Variants in TAF4B observed in about 807,000 individuals in gnomAD.
The protein encoded by TAF4B is transcription initiation factor TFIID subunit 4B.
TAF4B carries 38 observed loss-of-function variants against 86.4 expected under a neutral mutation model. The observed-to-expected ratio is 0.44, with a 90% CI of 0.34 to 0.58. TAF4B has a LOEUF of 0.58. Among genes scored for constraint, TAF4B ranks in the 20% least tolerant of loss-of-function variants. The pLI is 0.02. For synonymous variants in TAF4B, 388 were observed against 391.2 expected (o/e 0.99, Z 0.10); for missense variants, 988 against 1,027.6 (o/e 0.96, Z 0.53).
At chr18:26,376,064 G>A (rs1203253836) in intron 14 of TAF4B, among the ~76,000 whole-genome samples, 1 of 151,996 alleles carries the variant, frequency 6.6e-6, no homozygotes, top group Non-Finnish European at 1.5e-5. Context: ...ATCAATCTAT[G>A]TATCTGTCCT....
intron 1 of TAF4B, among the ~76,000 whole-genome samples, chr18:26,249,849 A>G (rs929255965): frequency 6.6e-6 from 1 of 152,094 alleles, no homozygotes; most frequent in Admixed American, 6.6e-5. Context: ...CAGCCTCCTA[A>G]GTAGCTGGGA....
At chr18:26,245,478 G>C (rs1486169425) in intron 1 of TAF4B, among the ~76,000 whole-genome samples, 1 of 152,154 alleles carries the variant, frequency 6.6e-6, no homozygotes, top group Non-Finnish European at 1.5e-5. Flanking sequence ...GCCAGCTTTT[G>C]TTCCCTTATT....
intron 1 of TAF4B, among the ~76,000 whole-genome samples, chr18:26,235,200 A>G (rs1010702947): frequency 6.6e-6 from 1 of 152,064 alleles, no homozygotes; most frequent in Non-Finnish European, 1.5e-5. Context: ...TTCCCATTCT[A>G]CTAGATACAG....
chr18:26,244,444 G>A (rs1052176208), intron 1 of TAF4B, among the ~76,000 whole-genome samples: 2 of 152,220 alleles, frequency 1.3e-5, no homozygotes, highest in African/African-American at 4.8e-5. Flanking sequence ...ATTAGGATGG[G>A]AGTGTCCTGA....
At chr18:26,264,384 TGAGCCAAGATCGTCTGGGCGACAGAGC>T (rs1391674275) in intron 1 of TAF4B, among the ~76,000 whole-genome samples, 1 of 152,184 alleles carries the variant, frequency 6.6e-6, no homozygotes, top group Admixed American at 6.5e-5. Context: ...GAGGTTGCAG[TGAGCCAAGATCGTCTGGGCGACAGAGC>T]GAGACTCTGT....
chr18:26,260,499 T>C (rs542491640), intron 1 of TAF4B, among the ~76,000 whole-genome samples: 10 of 152,354 alleles, frequency 6.6e-5, no homozygotes, highest in African/African-American at 2.4e-4. Context: ...TTTCTACATA[T>C]GGCTAGCCAG....
At chr18:26,286,951 T>A (rs1411617682) in intron 7 of TAF4B, among the ~76,000 whole-genome samples, 2 of 152,156 alleles carry the variant, frequency 1.3e-5, no homozygotes, top group Admixed American at 6.5e-5. Context: ...CCCAAAGCAC[T>A]GGGATTACAG....
chr18:26,298,851 CTTTTTTTTTTTT>C (rs56044910), intron 9 of TAF4B, among the ~76,000 whole-genome samples: 2 of 46,542 alleles, frequency 4.3e-5, no homozygotes, highest in Non-Finnish European at 7.2e-5. Context: ...AGCCTATTGC[CTTTTTTTTTTTT>C]TTTTTTTTTT....
At chr18:26,335,884 T>C (rs1431427149) in intron 13 of TAF4B, among the ~76,000 whole-genome samples, 19 of 152,234 alleles carry the variant, frequency 1.2e-4, no homozygotes, top group Admixed American at 1.2e-3. Flanking sequence ...ATCCATTTCC[T>C]GACTTTTCTA....
chr18:26,346,789 A>ATATATATGTG (rs2057188851), intron 13 of TAF4B, among the ~76,000 whole-genome samples: 1 of 34,158 alleles, frequency 2.9e-5, no homozygotes, highest in Non-Finnish European at 7.1e-5. Context: ...GTGTATATAT[A>ATATATATGTG]TATATATATG....
intron 12 of TAF4B, among the ~76,000 whole-genome samples, chr18:26,332,403 A>G (rs966990750): frequency 4.6e-5 from 7 of 152,172 alleles, no homozygotes; most frequent in African/African-American, 1.4e-4. Flanking sequence ...TTTCCGTTCA[A>G]TCTTGGATCC....
intron 14 of TAF4B, among the ~76,000 whole-genome samples, chr18:26,368,183 T>C (rs2057383934): frequency 6.6e-6 from 1 of 152,188 alleles, no homozygotes; most frequent in Non-Finnish European, 1.5e-5. Flanking sequence ...AATGTGTACA[T>C]TTTCAAATAG....
At chr18:26,356,108 G>A (rs137957622) in intron 13 of TAF4B, among the ~76,000 whole-genome samples, 28 of 152,228 alleles carry the variant, frequency 1.8e-4, no homozygotes, top group African/African-American at 1.4e-4. Flanking sequence ...AGTTATAGAG[G>A]CTAGGAAGTC....
At chr18:26,301,302 T>C (rs1004845456) in intron 9 of TAF4B, among the ~76,000 whole-genome samples, 1 of 151,880 alleles carries the variant, frequency 6.6e-6, no homozygotes, top group African/African-American at 2.4e-5. Context: ...GTTTTTTTTT[T>C]TTTTGAGACA....
intron 14 of TAF4B, among the ~76,000 whole-genome samples, chr18:26,374,000 C>G (rs926912701): frequency 5.3e-5 from 8 of 152,116 alleles, no homozygotes; most frequent in Non-Finnish European, 1.2e-4. Flanking sequence ...TGATAGCCAG[C>G]CATAGATACT....
intron 14 of TAF4B, among the ~76,000 whole-genome samples, chr18:26,375,135 C>G (rs1171913508): frequency 6.6e-6 from 1 of 152,140 alleles, no homozygotes; most frequent in Non-Finnish European, 1.5e-5. Flanking sequence ...AAGGATTCAC[C>G]TATTCTAGGC....
Position 26,259,976 on chromosome 18 carries a change from C to T in TAF4B, c.344-5194C>T, listed in dbSNP as rs1484833582. On this transcript the variant is annotated intron_variant, in intron 1 of 14. Transcript: ENST00000269142. ...TCCTGACTTTTTAATGATTGCCATT[C>T]TAACTGGTGTGAGATGGTATCTCAT... 1.1e-4 allele frequency among the ~76,000 whole-genome samples: 17 copies of T among 152,294 alleles called. No individual in the cohort carries two copies. In the South Asian group the frequency reaches 3.1e-3, roughly 28 times the overall value.
chr18:26,298,845 TATTGCC>T (rs2056695868), intron 9 of TAF4B, among the ~76,000 whole-genome samples: 1 of 100,478 alleles, frequency 1.0e-5, no homozygotes, highest in Non-Finnish European at 2.0e-5. Flanking sequence ...ATGCCCAGCC[TATTGCC>T]TTTTTTTTTT....
intron 9 of TAF4B, among the ~76,000 whole-genome samples, chr18:26,303,018 TCTC>T (rs904338422): frequency 1.4e-5 from 2 of 139,164 alleles, no homozygotes; most frequent in African/African-American, 5.0e-5. Flanking sequence ...TCTACCTACT[TCTC>T]CTTCTTCTTT....
Sources: allele counts gnomAD v4.1 joint callset (sites outside exome capture counted in the v4.1 genomes callset), GRCh38; gene constraint gnomAD v4.1.1; transcripts MANE v1.5; gene names NCBI Gene and HGNC (gene_info 2026-07-23, HGNC 2026-07-21).